The following ABHD10 variants were observed in gnomAD, a reference collection of about 807,000 sequenced individuals.
ABHD10 encodes the protein abhydrolase domain containing 10, depalmitoylase.
Under a neutral mutation model 33.1 loss-of-function variants are expected in ABHD10, and 22 were observed. The ratio of observed to expected loss-of-function variants is 0.66; its 90% CI spans 0.47 to 0.95. ABHD10 has a LOEUF of 0.95. Among genes scored for constraint, ABHD10 ranks in the 40% least tolerant of loss-of-function variants. ABHD10 has a pLI of 0.00. For missense variants in ABHD10, 352 were observed against 379.9 expected (o/e 0.93, Z 0.61); for synonymous variants, 146 against 133.9 (o/e 1.09, Z -0.62).
At chr3:111,987,101 T>A (rs368424888) in intron 4 of ABHD10, 50 bp downstream of exon 4, 44 of 1,578,166 alleles carry the variant, frequency 2.8e-5, no homozygotes, top group Admixed American at 1.5e-4. Context: ...CGCTTATACT[T>A]CTTCTGCTCC....
chr3:111,980,585 AT>A (rs2072570787), intron 1 of ABHD10, among the ~76,000 whole-genome samples: 2 of 152,218 alleles, frequency 1.3e-5, no homozygotes, highest in South Asian at 2.1e-4. Flanking sequence ...TTTTAAAAAA[AT>A]ATCTACTTGT....
chr3:111,986,380 C>T lies in ABHD10; in HGVS notation c.438+5C>T, dbSNP rs1174842559. The T allele has an allele frequency of 3.2e-6, 5 of 1,579,082 alleles. No individual in the cohort carries two copies. The highest frequency in any genetic ancestry group is 4.3e-6 in the Non-Finnish European group (5 of 1,150,018). ...GACTTAGCTGATGGGCCACAGGTGA[C>T]TGTTTTGTTAAGTATGATGATAATT... On this transcript the variant is annotated splice_donor_5th_base_variant and intron_variant, in intron 3 of 4. Transcript: ENST00000273359.
chr3:111,979,535 C>T (rs952661509), intron 1 of ABHD10, among the ~76,000 whole-genome samples: 2 of 152,238 alleles, frequency 1.3e-5, no homozygotes, highest in African/African-American at 4.8e-5. Context: ...TTATTAGTTA[C>T]TTCTAGGAAT....
chr3:111,986,415 T>G (rs1207632900), intron 3 of ABHD10, 40 bp downstream of exon 3: 1 of 1,296,286 alleles, frequency 7.7e-7, no homozygotes, highest in African/African-American at 1.6e-5. Context: ...TACTGTAACC[T>G]CGTATTTAAG....
chr3:111,981,913 C>A lies in ABHD10; in HGVS notation c.272C>A (p.Thr91Lys). The change falls in exon 2 of 5, where the codon ACA (threonine) becomes AAA (lysine). Residue 91 changes from threonine to lysine, a missense_variant. By Grantham distance (78) the Thr-to-Lys change is moderately conservative. Transcript: ENST00000273359. ...GGCTATCTTTCTTATATGAATGGTA[C>A]AAAAGCGTTGGCGATTGAGGAGTTT... Reference protein sequence around the residue: ...IPGYLSYMNGTKALAIEEFCK... With the variant: ...IPGYLSYMNGKKALAIEEFCK... 1 of 1,593,008 alleles carries A rather than the reference C, an allele frequency of 6.3e-7. No individual in the cohort carries two copies. Among genetic ancestry groups the A allele is most frequent in the Non-Finnish European group, 8.6e-7 (1 of 1,164,386 alleles).
At chr3:111,985,964 A>G (rs911364496) in intron 2 of ABHD10, among the ~76,000 whole-genome samples, 8 of 152,216 alleles carry the variant, frequency 5.3e-5, no homozygotes, top group African/African-American at 1.9e-4. Flanking sequence ...ACTCTACTAT[A>G]TAGGGAAAGA....
chr3:111,979,515 T>G (rs1038225560), intron 1 of ABHD10, among the ~76,000 whole-genome samples: 4 of 152,264 alleles, frequency 2.6e-5, no homozygotes. Context: ...AATGTGCATT[T>G]AATGCATTAT....
At chr3:111,982,393 C>T (rs1036627310) in intron 2 of ABHD10, 1 of 152,706 alleles carries the variant, frequency 6.5e-6, no homozygotes, top group East Asian at 1.9e-4. Context: ...GTTTTCTCTT[C>T]CCTCTCCTGT....
chr3:111,984,587 A>G (rs1228537143), intron 2 of ABHD10, among the ~76,000 whole-genome samples: 2 of 152,304 alleles, frequency 1.3e-5, no homozygotes, highest in South Asian at 4.1e-4. Context: ...GTAGTAAAAA[A>G]AAATTTACTG....
chr3:111,984,029 A>T (rs543638431), intron 2 of ABHD10, among the ~76,000 whole-genome samples: 1 of 152,294 alleles, frequency 6.6e-6, no homozygotes, highest in African/African-American at 2.4e-5. Context: ...AAGGAGCTGT[A>T]CAAGTATTTT....
At position 111,982,024 on chromosome 3, in the gene ABHD10, T is replaced by C. The variant is rs1207677358; in HGVS notation, c.326+57T>C. 32 of 1,310,892 alleles carry C rather than the reference T, an allele frequency of 2.4e-5. No homozygotes were observed. The East Asian group carries it at 7.5e-4, about 31-fold the overall frequency. 81.2% of individuals were successfully genotyped at this position (1,310,892 alleles called of 1,614,324 possible). On this transcript the variant is annotated intron_variant, in intron 2 of 4. Transcript: ENST00000273359. ...CTACTGTTAGCATTACAGTGGAGAA[T>C]TACTTCTGTTCTAATCAGTTGAAGT...
rs1216521478 is a variant in ABHD10 at position 111,991,267 on chromosome 3, C to T, written c.577-110C>T. On this transcript the variant is annotated intron_variant, in intron 4 of 4. Coordinates refer to ENST00000273359, the MANE Select transcript of ABHD10 (RefSeq NM_018394.4). Reference sequence around the variant, plus strand: ...ATTATTATTGTTATACTTTTGTTATCTCTATCCTCTTATTCAAGAACTGCT... The same window carrying T: ...ATTATTATTGTTATACTTTTGTTATTTCTATCCTCTTATTCAAGAACTGCT... 5 of 866,066 alleles carry T rather than the reference C, an allele frequency of 5.8e-6. No homozygotes were observed. In the African/African-American group the frequency reaches 6.9e-5, roughly 12 times the overall value. The allele number at this position is 866,066 out of a possible 1,614,324, so 53.6% of individuals were successfully genotyped here.
At chr3:111,982,172 C>A (rs1221857051) in intron 2 of ABHD10, 1 of 390,096 alleles carries the variant, frequency 2.6e-6, no homozygotes, top group Non-Finnish European at 4.4e-6. Context: ...CGCTGACAAC[C>A]CTGGCAGAAA....
At chr3:111,979,312 T>TC in intron 1 of ABHD10, 109 bp downstream of exon 1, 1 of 1,294,504 alleles carries the variant, frequency 7.7e-7, no homozygotes, top group South Asian at 1.6e-5. Context: ...AAAATGCTCC[T>TC]CCCCCTTTCT....
At chr3:111,985,744 T>C (rs1289517766) in intron 2 of ABHD10, among the ~76,000 whole-genome samples, 1 of 150,528 alleles carries the variant, frequency 6.6e-6, no homozygotes. Context: ...TGGAGGAGAG[T>C]ATGCCATGTG....
intron 4 of ABHD10, among the ~76,000 whole-genome samples, chr3:111,989,279 C>G (rs2072712321): frequency 6.6e-6 from 1 of 152,198 alleles, no homozygotes; most frequent in Admixed American, 6.5e-5. Context: ...TAGAGGGCCT[C>G]AGACATGATG....
chr3:111,990,288 C>G (rs1223336225), intron 4 of ABHD10, among the ~76,000 whole-genome samples: 1 of 151,736 alleles, frequency 6.6e-6, no homozygotes, highest in African/African-American at 2.4e-5. Context: ...TTTTTTAAAC[C>G]CAGAAATATA....
intron 4 of ABHD10, among the ~76,000 whole-genome samples, chr3:111,991,086 C>A (rs1429203645): frequency 6.6e-6 from 1 of 152,060 alleles, no homozygotes; most frequent in African/African-American, 2.4e-5. Flanking sequence ...CAGTTAGTAG[C>A]CTAGCCCTGA....
rs1002535308 is a variant in ABHD10, at chr3:111,991,963, T to A, written c.*242T>A. On this transcript the variant is annotated 3_prime_UTR_variant, in exon 5 of 5. Transcript: ENST00000273359. ...TTTTTCATTAAAGTATTTCCTTTTT[T>A]TAATTCAAGAAAAGTTTACCTTTCT... 3 of 370,072 alleles carry A rather than the reference T, an allele frequency of 8.1e-6. No homozygotes were observed. The Admixed American group carries it at 1.5e-4, about 18-fold the overall frequency. The allele number at this position is 370,072 out of a possible 1,614,324, so 22.9% of individuals were successfully genotyped here. A position where few individuals can be genotyped will look rare whatever the true frequency, so the allele number is the denominator to read the frequency against.
Sources: allele counts gnomAD v4.1 joint callset (sites outside exome capture counted in the v4.1 genomes callset), GRCh38; gene constraint gnomAD v4.1.1; transcripts MANE v1.5; gene names NCBI Gene and HGNC (gene_info 2026-07-23, HGNC 2026-07-21).